Variants in CEP95 observed in about 807,000 individuals in gnomAD.
CEP95 encodes centrosomal protein 95, also known as centrosomal protein of 95 kDa.
Under a neutral mutation model 111.2 loss-of-function variants are expected in CEP95, and 98 were observed. The ratio of observed to expected loss-of-function variants is 0.88; its 90% CI spans 0.75 to 1.04. CEP95 has a LOEUF of 1.04. CEP95 is among the 50% of genes least tolerant of loss of function. The probability of loss-of-function intolerance (pLI) is 0.00; values close to 1 mark genes in which losing one functional copy is unlikely to be tolerated. For synonymous variants in CEP95, 323 were observed against 327.1 expected (o/e 0.99, Z 0.14); for missense variants, 1,027 against 977.2 (o/e 1.05, Z -0.68).
chr17:64,507,247 C>T (rs2038597888), intron 1 of CEP95, 131 bp downstream of exon 1: 5 of 1,517,586 alleles, frequency 3.3e-6, no homozygotes, highest in Non-Finnish European at 1.8e-6. Context: ...GTCGCGCTGG[C>T]GGGTTCCCTG....
In CEP95 at chr17:64,536,733, C is replaced by G; in HGVS notation, c.2202C>G (p.Asn734Lys). The change falls in exon 18 of 20, where the codon AAC (asparagine) becomes AAG (lysine). Residue 734 changes from asparagine (N) to lysine (K), a missense_variant. Asn to Lys is a moderately conservative substitution (Grantham distance 94). Coordinates refer to ENST00000556440, the MANE Select transcript of CEP95 (RefSeq NM_138363.3). ...AGGATGAACTGGACTCCATGGAGAA[C>G]TACTATAAGGACCAGGTGGGCTCCT... ...RHQDELDSME[N>K]YYKDQFSLLA... 1 of 1,606,960 alleles carries G rather than the reference C, an allele frequency of 6.2e-7. No individual in the cohort carries two copies. The highest frequency in any genetic ancestry group is 8.5e-7 in the Non-Finnish European group (1 of 1,178,078).
At chr17:64,514,510 T>A in intron 4 of CEP95, 152 bp downstream of exon 4, 2 of 518,126 alleles carry the variant, frequency 3.9e-6, no homozygotes. Flanking sequence ...TTCTTATTGT[T>A]CCAGCTGGTT....
intron 16 of CEP95, chr17:64,534,214 T>A (rs1555680990): frequency 4.9e-6 from 1 of 203,734 alleles, no homozygotes; most frequent in Non-Finnish European, 1.0e-5. Flanking sequence ...TTTCCTTAGT[T>A]TTTGCCTAAA....
intron 11 of CEP95, among the ~76,000 whole-genome samples, chr17:64,528,067 A>G (rs1478298995): frequency 6.6e-6 from 1 of 151,806 alleles, no homozygotes; most frequent in Non-Finnish European, 1.5e-5. Flanking sequence ...TTTCTTCACC[A>G]CTGCCAACTT....
intron 12 of CEP95, 33 bp from the exon 13 acceptor site, chr17:64,530,893 A>G: frequency 7.7e-7 from 1 of 1,293,166 alleles, no homozygotes; most frequent in Non-Finnish European, 1.1e-6. Flanking sequence ...GTATGTTTTT[A>G]ATAACTGTAA....
At chr17:64,531,812 AG>A in intron 13 of CEP95, 77 bp from the exon 14 acceptor site, 4 of 1,049,618 alleles carry the variant, frequency 3.8e-6, no homozygotes, top group Non-Finnish European at 5.1e-6. Context: ...TGTTTTTGTC[AG>A]TATGTAATAT....
At chr17:64,516,568 T>G (rs1555676307) in intron 4 of CEP95, among the ~76,000 whole-genome samples, 155 bp from the exon 5 acceptor site, 1 of 152,220 alleles carries the variant, frequency 6.6e-6, no homozygotes, top group African/African-American at 2.4e-5. Flanking sequence ...TCATTACAGG[T>G]GATTTGGTTC....
chr17:64,530,902 A>C, intron 12 of CEP95, 24 bp from the exon 13 acceptor site: 1 of 1,376,452 alleles, frequency 7.3e-7, no homozygotes. Context: ...TAATAACTGT[A>C]ATATATGACC....
rs782239466 is a variant in CEP95 at position 64,508,586 on chromosome 17, C to T, written c.20-6C>T. The T allele has an allele frequency of 2.9e-6, 4 of 1,379,002 alleles. No individual in the cohort carries two copies. Among genetic ancestry groups the T allele is most frequent in the South Asian group, 3.9e-5 (2 of 51,324 alleles). 85.4% of individuals were successfully genotyped at this position (1,379,002 alleles called of 1,614,324 possible). ...AAGACTGATCTTTCCCCCTTTTTCC[C>T]AACAGAGTGGGTAACCATTGCCAAT... On this transcript the variant is annotated splice_polypyrimidine_tract_variant and splice_region_variant and intron_variant, in intron 1 of 19. Transcript: ENST00000556440.
chr17:64,514,541 A>G (rs2039047497), intron 4 of CEP95, 183 bp downstream of exon 4: 1 of 441,068 alleles, frequency 2.3e-6, no homozygotes, highest in African/African-American at 2.0e-5. Context: ...TTAGACTGTC[A>G]TCATGTTCTT....
chr17:64,537,763 A>G lies in CEP95; in HGVS notation c.2450A>G (p.Lys817Arg). 2 of 1,600,290 alleles carry G rather than the reference A, an allele frequency of 1.2e-6. No homozygotes were observed. The highest frequency in any genetic ancestry group is 1.7e-6 in the Non-Finnish European group (2 of 1,173,094). The change falls in exon 20 of 20, where the codon AAA becomes AGA. Residue 817 changes from lysine to arginine, a missense_variant. Physicochemically the swap from Lys to Arg is conservative, Grantham distance 26. Coordinates refer to ENST00000556440, the MANE Select transcript of CEP95 (RefSeq NM_138363.3). ...CAGCTGGCTTCCTTTCAGTACAGTA[A>G]AAGTCCCTCCCTATGAGGCCAGACT... ...RLQLASFQYS[K>R]SPSL
chr17:64,509,432 C>T (rs538463567), intron 2 of CEP95, among the ~76,000 whole-genome samples: 2 of 152,300 alleles, frequency 1.3e-5, no homozygotes, highest in East Asian at 3.9e-4. Context: ...ATCCCATTAC[C>T]TTGGGAGGCT....
chr17:64,537,936 G>A lies in CEP95; in HGVS notation c.*157G>A, dbSNP rs548312269. Reference sequence around the variant, plus strand: ...TTTTATGATTTTTTAAATAAAAATTGTTTTCTAAAAGCTTATTGCTTTTGA... The same window carrying A: ...TTTTATGATTTTTTAAATAAAAATTATTTTCTAAAAGCTTATTGCTTTTGA... On this transcript the variant is annotated 3_prime_UTR_variant, in exon 20 of 20. Transcript: ENST00000556440. 273 of 442,058 alleles carry A rather than the reference G, an allele frequency of 6.2e-4. 2 individuals are homozygous for A. The highest frequency in any genetic ancestry group is 4.3e-3 in the African/African-American group (213 of 49,548). The allele number at this position is 442,058 out of a possible 1,614,324, so 27.4% of individuals were successfully genotyped here.
At chr17:64,514,754 C>T (rs2039056809) in intron 4 of CEP95, 1 of 278,202 alleles carries the variant, frequency 3.6e-6, no homozygotes, top group East Asian at 5.9e-5. Flanking sequence ...TGTCTTTAGC[C>T]TGCACTTACA....
chr17:64,530,878 G>A lies in CEP95; in HGVS notation c.1447-48G>A, dbSNP rs4790970. ...AACCAGCTAAGCCATGGTGCTGCCC[G>A]TTGTGTATGTTTTTAATAACTGTAA... is the stretch of plus-strand genomic sequence containing the variant. On this transcript the variant is annotated intron_variant, in intron 12 of 19. Coordinates refer to ENST00000556440, the MANE Select transcript of CEP95 (RefSeq NM_138363.3). 1,227 of 1,111,968 alleles carry A rather than the reference G, an allele frequency of 1.1e-3. 3 individuals are homozygous for A. Among genetic ancestry groups the A allele is most frequent in the Non-Finnish European group, 1.4e-3 (1,121 of 773,356 alleles). 68.9% of individuals were successfully genotyped at this position (1,111,968 alleles called of 1,614,324 possible). A position where few individuals can be genotyped will look rare whatever the true frequency, so the allele number is the denominator to read the frequency against.
At position 64,536,653 on chromosome 17, in the gene CEP95, C is replaced by G; in HGVS notation, c.2122C>G (p.Arg708Gly). The G allele has an allele frequency of 6.2e-7, 1 of 1,610,916 alleles. No homozygotes were observed. Among genetic ancestry groups the G allele is most frequent in the Non-Finnish European group, 8.5e-7 (1 of 1,178,418 alleles). Residue 708 changes from arginine to glycine, a missense_variant, in exon 18 of 20, where the codon CGA becomes GGA. Transcript: ENST00000556440. Reference protein sequence around the residue: ...EGLNIQKQRLRDLRNYAKEKR... With the variant: ...EGLNIQKQRLGDLRNYAKEKR... ...TTTAAACATTCAAAAGCAAAGATTA[C>G]GAGACCTAAGAAACTATGCCAAAGA...
In CEP95 at chr17:64,507,802, A is replaced by T. The variant is rs1393491177; in HGVS notation, c.19+686A>T. On this transcript the variant is annotated intron_variant, in intron 1 of 19. Coordinates refer to ENST00000556440, the MANE Select transcript of CEP95 (RefSeq NM_138363.3). ...GTTACGTGTCCAGAACATAGTGGAG[A>T]TGTTTGTTTCTAATACCGATTGAAA... 5.1e-6 allele frequency: 5 copies of T among 985,406 alleles called. No individual in the cohort carries two copies. In the African/African-American group the frequency reaches 8.7e-5, roughly 17 times the overall value. 61.0% of individuals were successfully genotyped at this position (985,406 alleles called of 1,614,324 possible).
At chr17:64,524,999 G>A (rs562672483) in intron 8 of CEP95, among the ~76,000 whole-genome samples, 1 of 151,832 alleles carries the variant, frequency 6.6e-6, no homozygotes, top group South Asian at 2.1e-4. Context: ...AACATTAAAT[G>A]TTTCTTCATC....
intron 12 of CEP95, among the ~76,000 whole-genome samples, chr17:64,530,038 T>C (rs1225822116): frequency 1.3e-5 from 2 of 152,178 alleles, no homozygotes; most frequent in Admixed American, 6.5e-5. Flanking sequence ...TTGCAAAAAC[T>C]TGAGAACAGA....
Sources: allele counts gnomAD v4.1 joint callset (sites outside exome capture counted in the v4.1 genomes callset), GRCh38; gene constraint gnomAD v4.1.1; transcripts MANE v1.5; gene names NCBI Gene and HGNC (gene_info 2026-07-23, HGNC 2026-07-21).